RAB3C: variants seen among roughly 807,000 people sequenced by gnomAD.
The protein encoded by RAB3C is RAB3C, member RAS oncogene family.
A neutral mutation model predicts 26.4 loss-of-function variants in RAB3C; 17 were observed. The ratio of observed to expected loss-of-function variants is 0.64; its 90% CI spans 0.44 to 0.97. The LOEUF (loss-of-function observed/expected upper bound fraction) is 0.97. RAB3C is among the 50% of genes least tolerant of loss of function. The pLI is 0.00. For synonymous variants in RAB3C, 91 were observed against 95.9 expected, an observed-to-expected ratio of 0.95 and a Z score of 0.30; for missense variants, 242 against 281.9, an observed-to-expected ratio of 0.86 and a Z score of 1.01.
intron 2 of RAB3C, among the ~76,000 whole-genome samples, chr5:58,680,417 A>G (rs1748321981): frequency 6.6e-6 from 1 of 152,252 alleles, no homozygotes; most frequent in South Asian, 2.1e-4. Context: ...GGACACTTGT[A>G]TGTTATATGA....
intron 3 of RAB3C, chr5:58,815,730 G>A (rs1198789708): frequency 6.6e-6 from 1 of 152,140 alleles, no homozygotes; most frequent in Non-Finnish European, 1.5e-5. Flanking sequence ...TACTGTTTGA[G>A]TACCTTCTAT....
intron 1 of RAB3C, among the ~76,000 whole-genome samples, chr5:58,597,307 T>A (rs1368926853): frequency 2.5e-5 from 2 of 79,652 alleles, no homozygotes; most frequent in African/African-American, 8.8e-5. Context: ...TTATATAATA[T>A]GTAATACACA....
intron 3 of RAB3C, among the ~76,000 whole-genome samples, chr5:58,738,876 T>C (rs1348243856): frequency 1.3e-5 from 2 of 152,194 alleles, no homozygotes; most frequent in African/African-American, 4.8e-5. Flanking sequence ...TCTATTGCAA[T>C]ATGCATATCC....
At position 58,744,465 on chromosome 5, in the gene RAB3C, G is replaced by A. The variant is rs114549196; in HGVS notation, c.371+18345G>A. ...GTCACACGATTCATCGGCAGTGTAT[G>A]ACATCTCCAGCTAATTCAGTCTAGG... On this transcript the variant is annotated intron_variant, in intron 3 of 4. Transcript: ENST00000282878. Among the ~76,000 whole-genome samples, 994 of 152,310 alleles carry A rather than the reference G, an allele frequency of 6.5e-3. 3 individuals carry two copies. Among genetic ancestry groups the A allele is most frequent in the Non-Finnish European group, 0.011 (778 of 68,026 alleles).
intron 3 of RAB3C, among the ~76,000 whole-genome samples, chr5:58,813,152 G>C (rs1743125303): frequency 6.6e-6 from 1 of 152,100 alleles, no homozygotes; most frequent in Non-Finnish European, 1.5e-5. Context: ...TATTTTAAAA[G>C]GTTGTTGTAA....
intron 3 of RAB3C, among the ~76,000 whole-genome samples, chr5:58,776,845 G>A (rs577341923): frequency 4.8e-4 from 73 of 152,234 alleles, no homozygotes; most frequent in African/African-American, 1.7e-3. Context: ...TTACCCGGAA[G>A]TTTAGTGCAG....
chr5:58,710,601 A>AATAT (rs200292615), intron 2 of RAB3C, among the ~76,000 whole-genome samples: 16,437 of 136,234 alleles, frequency 0.12, 1,093 homozygotes, highest in African/African-American at 0.19. Context: ...TCTGTCTCAA[A>AATAT]ATAAATAAAT....
At position 58,720,841 on chromosome 5, in the gene RAB3C, G is replaced by A. The variant is rs192590280; in HGVS notation, c.253-5161G>A. Among the ~76,000 whole-genome samples, 107 of 151,468 alleles carry A rather than the reference G, an allele frequency of 7.1e-4. 2 individuals are homozygous for A. The East Asian group carries it at 0.018, about 26-fold the overall frequency. On this transcript the variant is annotated intron_variant, in intron 2 of 4. Transcript: ENST00000282878. ...ATTTGAGTTGTATTTCTTTACTAAC[G>A]GTTACTCCCATTTTCCCTTTAATTG...
chr5:58,778,988 AC>A (rs1486082415), intron 3 of RAB3C, among the ~76,000 whole-genome samples: 4 of 152,168 alleles, frequency 2.6e-5, no homozygotes, highest in African/African-American at 9.7e-5. Flanking sequence ...GTCATCTTTG[AC>A]AGCTTATATA....
chr5:58,599,452 C>A (rs1024613983), intron 1 of RAB3C, among the ~76,000 whole-genome samples: 2 of 152,104 alleles, frequency 1.3e-5, no homozygotes, highest in Non-Finnish European at 2.9e-5. Context: ...GGTCTAGGGG[C>A]TCTCCTAGCC....
At chr5:58,743,560 C>T (rs989862095) in intron 3 of RAB3C, among the ~76,000 whole-genome samples, 1 of 152,222 alleles carries the variant, frequency 6.6e-6, no homozygotes, top group East Asian at 1.9e-4. Context: ...TCTCCCTCCC[C>T]CTTGGCCCCC....
chr5:58,797,013 A>ACACACC (rs1392666307), intron 3 of RAB3C, among the ~76,000 whole-genome samples: 5 of 151,032 alleles, frequency 3.3e-5, no homozygotes, highest in African/African-American at 9.7e-5. Context: ...ACACACACAC[A>ACACACC]CCTACCTTCC....
intron 2 of RAB3C, among the ~76,000 whole-genome samples, chr5:58,648,389 C>G (rs1236723188): frequency 2.0e-5 from 3 of 152,148 alleles, no homozygotes; most frequent in Non-Finnish European, 4.4e-5. Context: ...TTAGTGTCTT[C>G]TCTTAGAGAG....
chr5:58,844,093 C>T (rs1186655032), intron 4 of RAB3C, among the ~76,000 whole-genome samples: 1 of 152,166 alleles, frequency 6.6e-6, no homozygotes. Context: ...AATTGCGGAG[C>T]AAAACACACG....
rs569670348 is a variant in RAB3C at position 58,659,908 on chromosome 5, A to T, written c.252+42038A>T. Among the ~76,000 whole-genome samples the T allele has an allele frequency of 3.9e-5, 6 of 152,228 alleles. No individual in the cohort carries two copies. In the East Asian group the frequency reaches 1.2e-3, roughly 30 times the overall value. ...AACCTCTGCCTCCTGGGCTCAAGCCATCCTCCCACCTCAGGCTCTTGAGTA... is the reference window on the plus strand; with the variant it reads ...AACCTCTGCCTCCTGGGCTCAAGCCTTCCTCCCACCTCAGGCTCTTGAGTA... On this transcript the variant is annotated intron_variant, in intron 2 of 4. Coordinates refer to ENST00000282878, the MANE Select transcript of RAB3C (RefSeq NM_138453.4).
intron 2 of RAB3C, 135 bp downstream of exon 2, chr5:58,618,005 C>T (rs1273666226): frequency 1.1e-5 from 7 of 619,672 alleles, no homozygotes; most frequent in Non-Finnish European, 1.7e-5. Flanking sequence ...TGCTGCAGAA[C>T]ATTCTGTTTC....
At chr5:58,640,295 T>C (rs1026687550) in intron 2 of RAB3C, among the ~76,000 whole-genome samples, 3 of 152,164 alleles carry the variant, frequency 2.0e-5, no homozygotes, top group Non-Finnish European at 4.4e-5. Flanking sequence ...GACCTATATC[T>C]CTGCCAGGAA....
chr5:58,738,105 C>T (rs1188525797), intron 3 of RAB3C, among the ~76,000 whole-genome samples: 1 of 152,136 alleles, frequency 6.6e-6, no homozygotes, highest in East Asian at 1.9e-4. Flanking sequence ...TGGGAAATGT[C>T]TGCTCATTTC....
At chr5:58,744,512 C>G (rs1741350767) in intron 3 of RAB3C, among the ~76,000 whole-genome samples, 1 of 152,146 alleles carries the variant, frequency 6.6e-6, no homozygotes, top group African/African-American at 2.4e-5. Flanking sequence ...TGAGCATGAA[C>G]AGCAACTGGA....
Sources: gnomAD v4.1 joint callset for allele counts (sites outside exome capture counted in the v4.1 genomes callset) on GRCh38, gnomAD v4.1.1 for gene constraint, MANE v1.5 for transcripts, NCBI Gene and HGNC (gene_info 2026-07-23, HGNC 2026-07-21) for gene names.